Variants in RNLS observed in about 807,000 individuals in gnomAD.
RNLS encodes renalase.
A neutral mutation model predicts 39.8 loss-of-function variants in RNLS; 39 were observed. The observed-to-expected ratio is 0.98, with a 90% CI of 0.76 to 1.28. The LOEUF is 1.28. Among genes scored for constraint, RNLS ranks in the 50% most tolerant of loss-of-function variants. RNLS has a pLI of 0.00. For synonymous variants in RNLS, 147 were observed against 150.7 expected (o/e 0.98, Z 0.18); for missense variants, 410 against 413.3 (o/e 0.99, Z 0.07).
chr10:88,198,195 T>G, the RNLS span, among the ~76,000 whole-genome samples: 3 of 152,168 alleles, frequency 2.0e-5, no homozygotes, highest in Admixed American at 1.3e-4. Context: ...CCTTAGTCAT[T>G]GCAGGCAGCT....
intron 4 of RNLS, among the ~76,000 whole-genome samples, chr10:88,513,089 GA>G (rs1419730196): frequency 2.0e-5 from 3 of 151,846 alleles, no homozygotes; most frequent in Non-Finnish European, 4.4e-5. Context: ...CAAAAATGTA[GA>G]AAAAAATATA....
intron 4 of RNLS, among the ~76,000 whole-genome samples, chr10:88,542,644 C>T (rs1276274425): frequency 6.6e-6 from 1 of 152,126 alleles, no homozygotes; most frequent in Non-Finnish European, 1.5e-5. Context: ...TTATCAGGAG[C>T]ACTAGACAGC....
At chr10:88,201,856 A>T in the RNLS span, among the ~76,000 whole-genome samples, 1 of 152,194 alleles carries the variant, frequency 6.6e-6, no homozygotes, top group Admixed American at 6.5e-5. Context: ...TCTTACAGCT[A>T]GGGCATTAAC....
the RNLS span, among the ~76,000 whole-genome samples, chr10:88,256,474 C>T: frequency 5.0e-3 from 754 of 152,300 alleles, 6 homozygotes; most frequent in African/African-American, 0.017. Context: ...CAGTTAAGGT[C>T]GGCGGGAACT....
At chr10:88,207,710 C>G in the RNLS span, among the ~76,000 whole-genome samples, 1 of 152,174 alleles carries the variant, frequency 6.6e-6, no homozygotes, top group Non-Finnish European at 1.5e-5. Context: ...TAAAGGTTTT[C>G]TTTATGCTAG....
At chr10:88,267,063 C>T in the RNLS span, among the ~76,000 whole-genome samples, 28 of 152,210 alleles carry the variant, frequency 1.8e-4, no homozygotes, top group African/African-American at 5.5e-4. Context: ...TGTCTGAAAG[C>T]TGTCCCTGCC....
chr10:88,573,032 T>C lies in RNLS; in HGVS notation c.397A>G (p.Thr133Ala). The change falls in exon 4 of 7, where the codon ACA becomes GCA. Residue 133 changes from threonine (T) to alanine (A), a missense_variant. By Grantham distance (58) the Thr-to-Ala change is moderately conservative. Transcript: ENST00000331772. ...TTGTCATCTCTTAGGTTGATCTGTG[T>C]CACACGATGTCTGAAGTAGACTTCT... ...GAEVYFRHRV[T>A]QINLRDDKWE... 3 of 1,614,038 alleles carry C rather than the reference T, an allele frequency of 1.9e-6. No homozygotes were observed. The highest frequency in any genetic ancestry group is 1.7e-4 in the Middle Eastern group (1 of 6,060).
chr10:88,546,600 T>C (rs1296313988), intron 4 of RNLS, among the ~76,000 whole-genome samples: 1 of 152,138 alleles, frequency 6.6e-6, no homozygotes, highest in Non-Finnish European at 1.5e-5. Flanking sequence ...AATGAAAACA[T>C]TATCACTGGA....
chr10:88,380,363 CTTTTTTTTTTTT>C (rs10565402), intron 4 of RNLS, among the ~76,000 whole-genome samples: 1 of 73,156 alleles, frequency 1.4e-5, no homozygotes, highest in Non-Finnish European at 2.6e-5. Context: ...GGTTTTGTAT[CTTTTTTTTTTTT>C]TTTTTTTTTT....
chr10:88,583,318 TG>T, upstream of RNLS: 3 of 1,433,044 alleles, frequency 2.1e-6, no homozygotes, highest in Non-Finnish European at 2.7e-6. Context: ...ACCTGGGCCC[TG>T]AGCTTTCCTC....
intron 4 of RNLS, among the ~76,000 whole-genome samples, chr10:88,537,269 C>A (rs2576158): frequency 0.81 from 123,023 of 152,188 alleles, 50,134 homozygotes; most frequent in East Asian, 1. Flanking sequence ...CGGTTGATTC[C>A]TGCTGATCAG....
intron 4 of RNLS, among the ~76,000 whole-genome samples, chr10:88,370,194 G>A (rs1850441052): frequency 6.6e-6 from 1 of 152,020 alleles, no homozygotes; most frequent in African/African-American, 2.4e-5. Flanking sequence ...AGAATATTTT[G>A]CAATTTATAA....
chr10:88,191,095 G>A, the RNLS span, among the ~76,000 whole-genome samples: 1 of 152,208 alleles, frequency 6.6e-6, no homozygotes, highest in Admixed American at 6.5e-5. Context: ...ACATCGAGGG[G>A]GCAGGATTCA....
chr10:88,251,679 T>C, the RNLS span, among the ~76,000 whole-genome samples: 1 of 152,240 alleles, frequency 6.6e-6, no homozygotes, highest in African/African-American at 2.4e-5. Flanking sequence ...ACCACGTGCA[T>C]ACACACACGT....
intron 4 of RNLS, among the ~76,000 whole-genome samples, chr10:88,519,578 A>T (rs1421232461): frequency 6.6e-6 from 1 of 151,062 alleles, no homozygotes; most frequent in African/African-American, 2.4e-5. Flanking sequence ...CTGCTTCCTG[A>T]CCCTACCTAT....
intron 5 of RNLS, among the ~76,000 whole-genome samples, chr10:88,333,702 T>C (rs1312977753): frequency 3.3e-5 from 5 of 152,180 alleles, no homozygotes; most frequent in African/African-American, 1.2e-4. Context: ...TGAAGGTTTG[T>C]GTCTCCCCAA....
intron 4 of RNLS, among the ~76,000 whole-genome samples, chr10:88,524,567 T>C (rs530347114): frequency 5.3e-5 from 8 of 152,234 alleles, no homozygotes; most frequent in African/African-American, 1.7e-4. Flanking sequence ...TATTTTCTAT[T>C]AGCTATTTAA....
chr10:88,280,255 CAAAG>C (rs1252529901), downstream of RNLS, among the ~76,000 whole-genome samples: 2 of 152,122 alleles, frequency 1.3e-5, no homozygotes, highest in Non-Finnish European at 2.9e-5. Context: ...TTGCCGATGA[CAAAG>C]GAAGCTAAGT....
At chr10:88,492,566 G>C (rs1844949476) in intron 4 of RNLS, among the ~76,000 whole-genome samples, 1 of 151,650 alleles carries the variant, frequency 6.6e-6, no homozygotes, top group Non-Finnish European at 1.5e-5. Context: ...TTAAAGGTGT[G>C]CACCACCATG....
Sources: gnomAD v4.1 joint callset for allele counts (sites outside exome capture counted in the v4.1 genomes callset) on GRCh38, gnomAD v4.1.1 for gene constraint, MANE v1.5 for transcripts, NCBI Gene and HGNC (gene_info 2026-07-23, HGNC 2026-07-21) for gene names.